The following PACRGL variants were observed in gnomAD, a reference collection of about 807,000 sequenced individuals.
PACRGL encodes parkin coregulated like.
PACRGL carries 38 observed loss-of-function variants against 34.5 expected under a neutral mutation model. That is an observed-to-expected ratio of 1.10 (90% CI 0.85 to 1.44). The LOEUF (loss-of-function observed/expected upper bound fraction) is 1.44, where lower values mean the gene tolerates loss of function less well. Ranked by LOEUF, PACRGL falls within the 40% of genes most tolerant of loss-of-function variation. PACRGL has a pLI of 0.00. For missense variants in PACRGL, 305 were observed against 281.4 expected, an observed-to-expected ratio of 1.08 and a Z score of -0.60; for synonymous variants, 128 against 100.1, an observed-to-expected ratio of 1.28 and a Z score of -1.66.
rs965252279 is a variant in PACRGL, at chr4:20,717,888, C to T, written c.609+4349C>T. Among the ~76,000 whole-genome samples the T allele has an allele frequency of 1.1e-3, 168 of 152,146 alleles. 1 individual carries two copies. Among genetic ancestry groups the T allele is most frequent in the Middle Eastern group, 3.4e-3 (1 of 294 alleles). ...TCTGTGAAGAAAGTCATTGGTAGCT[C>T]GATGGGGATGGCATTGATTCTGTAA... On this transcript the variant is annotated intron_variant, in intron 7 of 8. Transcript: ENST00000503585.
chr4:20,743,403 T>C (rs540141766), intron 8 of PACRGL, among the ~76,000 whole-genome samples: 62 of 152,312 alleles, frequency 4.1e-4, no homozygotes, highest in Non-Finnish European at 8.7e-4. Flanking sequence ...AACAGCATGG[T>C]ACTGGTACCA....
chr4:20,736,283 T>A (rs1749609633), downstream of PACRGL, among the ~76,000 whole-genome samples: 1 of 152,224 alleles, frequency 6.6e-6, no homozygotes, highest in African/African-American at 2.4e-5. Context: ...AATTTGAGTT[T>A]CCATTGTATA....
the PACRGL span, among the ~76,000 whole-genome samples, chr4:20,764,848 C>T: frequency 6.6e-6 from 1 of 152,186 alleles, no homozygotes; most frequent in African/African-American, 2.4e-5. Flanking sequence ...CAGACAGGGT[C>T]GCTGTGATGG....
At chr4:20,764,645 C>T in the PACRGL span, among the ~76,000 whole-genome samples, 1 of 150,102 alleles carries the variant, frequency 6.7e-6, no homozygotes, top group Non-Finnish European at 1.5e-5. Flanking sequence ...AGTCTCACAC[C>T]GAGAGGAGCT....
chr4:20,712,928 T>C lies in PACRGL; in HGVS notation c.501+6T>C. On this transcript the variant is annotated splice_donor_region_variant and intron_variant, in intron 6 of 8. Coordinates refer to ENST00000503585, the MANE Select transcript of PACRGL (RefSeq NM_001258345.3). ...CTGTGCTAAAGGCAGCTCTGGTATG[T>C]CATTTATTTCATTGTACTTTATATT... 4 of 1,534,864 alleles carry C rather than the reference T, an allele frequency of 2.6e-6. No individual in the cohort carries two copies. The highest frequency in any genetic ancestry group is 3.5e-6 in the Non-Finnish European group (4 of 1,137,216).
At chr4:20,740,907 G>C (rs1030047516) in intron 8 of PACRGL, among the ~76,000 whole-genome samples, 12 of 151,864 alleles carry the variant, frequency 7.9e-5, no homozygotes, top group African/African-American at 2.4e-4. Context: ...CAAAAAAAAA[G>C]CAGGGGTTGC....
At chr4:20,724,099 C>A (rs1397822895) in intron 7 of PACRGL, among the ~76,000 whole-genome samples, 1 of 152,054 alleles carries the variant, frequency 6.6e-6, no homozygotes, top group Non-Finnish European at 1.5e-5. Flanking sequence ...TCATTTTTTC[C>A]TCTATGCAAA....
At position 20,728,671 on chromosome 4, in the gene PACRGL, G is replaced by A. The variant is rs989070022; in HGVS notation, c.*1330G>A. The stretch of plus-strand genomic sequence containing the variant: ...TTGAAATACAAAATGTGCACATTGA[G>A]TTTACACAAACACGTGATGGCAAAT... On this transcript the variant is annotated 3_prime_UTR_variant, in exon 9 of 9. Coordinates refer to ENST00000503585, the MANE Select transcript of PACRGL (RefSeq NM_001258345.3). The A allele has an allele frequency of 2.6e-5, 4 of 152,484 alleles. No homozygotes were observed. Among genetic ancestry groups the A allele is most frequent in the Admixed American group, 2.6e-4 (4 of 15,278 alleles). The allele number at this position is 152,484 out of a possible 1,614,324, so 9.4% of individuals were successfully genotyped here.
chr4:20,725,984 C>CA (rs369453856), intron 8 of PACRGL, among the ~76,000 whole-genome samples: 1 of 152,050 alleles, frequency 6.6e-6, no homozygotes, highest in African/African-American at 2.4e-5. Flanking sequence ...AATTTAAATG[C>CA]AAAATATATT....
chr4:20,752,217 C>T (rs945854756), intron 8 of PACRGL, among the ~76,000 whole-genome samples: 15 of 152,020 alleles, frequency 9.9e-5, no homozygotes, highest in African/African-American at 3.4e-4. Flanking sequence ...TGCCACCATG[C>T]CCGGCGAATT....
chr4:20,764,941 T>C, the PACRGL span, among the ~76,000 whole-genome samples: 1,179 of 152,288 alleles, frequency 7.7e-3, 19 homozygotes, highest in African/African-American at 0.027. Flanking sequence ...ATGCAGACCA[T>C]TACTTTTAAC....
chr4:20,762,652 A>G, the PACRGL span, among the ~76,000 whole-genome samples: 1 of 152,208 alleles, frequency 6.6e-6, no homozygotes, highest in Admixed American at 6.5e-5. Context: ...AACATAAACA[A>G]TGTGCTGTAT....
In PACRGL at chr4:20,729,950, T is replaced by TAAAACAAAGCTTGTTTGCATA. The variant is rs1560396397; in HGVS notation, c.*2611_*2631dup. The stretch of plus-strand genomic sequence containing the variant: ...AAATCTTTTGGGGATTGCTTTATAT[T>TAAAACAAAGCTTGTTTGCATA]AAAACAAAGCTTGTTTGCATAATAT... On this transcript the variant is annotated 3_prime_UTR_variant, in exon 9 of 9. Coordinates refer to ENST00000503585, the MANE Select transcript of PACRGL (RefSeq NM_001258345.3). The TAAAACAAAGCTTGTTTGCATA allele has an allele frequency of 4.5e-6, 5 of 1,102,288 alleles. No homozygotes were observed. In the African/African-American group the frequency reaches 8.0e-5, roughly 18 times the overall value. The allele number at this position is 1,102,288 out of a possible 1,614,324, so 68.3% of individuals were successfully genotyped here.
downstream of PACRGL, among the ~76,000 whole-genome samples, chr4:20,754,122 A>C (rs1398577980): frequency 6.6e-6 from 1 of 152,182 alleles, no homozygotes; most frequent in East Asian, 1.9e-4. Context: ...TATAGGCAAT[A>C]GCACCAACAA....
rs1339882742 is a variant in PACRGL at position 20,730,338 on chromosome 4, GA to G, written c.*2998del. Among the ~76,000 whole-genome samples the G allele has an allele frequency of 6.6e-6, 1 of 152,078 alleles. No individual in the cohort carries two copies. The highest frequency in any genetic ancestry group is 2.4e-5 in the African/African-American group (1 of 41,414). On this transcript the variant is annotated 3_prime_UTR_variant, in exon 9 of 9. Transcript: ENST00000503585. ...TGAAGGACCCATTTTATATTTTGTG[GA>G]GTCTATTGACCAGGCATTAAACCAC...
intron 8 of PACRGL, among the ~76,000 whole-genome samples, chr4:20,725,724 A>T (rs1466684813): frequency 6.6e-6 from 1 of 152,100 alleles, no homozygotes; most frequent in Non-Finnish European, 1.5e-5. Context: ...AGCTTTAGCG[A>T]AATACCTCAT....
At chr4:20,749,664 C>T (rs1386121373) in intron 8 of PACRGL, 3 of 1,598,366 alleles carry the variant, frequency 1.9e-6, no homozygotes, top group South Asian at 2.2e-5. Context: ...GAGCTTACCT[C>T]GAAACTCACA....
At chr4:20,701,579 C>G (rs1732182331) in intron 1 of PACRGL, 1 of 254,886 alleles carries the variant, frequency 3.9e-6, no homozygotes, top group Middle Eastern at 1.5e-3. Context: ...TAATGAAAAA[C>G]CACTTGAAAG....
At chr4:20,762,217 C>T in the PACRGL span, among the ~76,000 whole-genome samples, 249 of 152,208 alleles carry the variant, frequency 1.6e-3, no homozygotes, top group Admixed American at 4.7e-3. Flanking sequence ...GTGGAAGGGG[C>T]GAGCTAGCTC....
Sources: gnomAD v4.1 joint callset for allele counts (sites outside exome capture counted in the v4.1 genomes callset) on GRCh38, gnomAD v4.1.1 for gene constraint, MANE v1.5 for transcripts, NCBI Gene and HGNC (gene_info 2026-07-23, HGNC 2026-07-21) for gene names.